Variants in CAMTA1 observed in about 807,000 individuals in gnomAD.
CAMTA1 encodes calmodulin-binding transcription activator 1.
CAMTA1 carries 27 observed loss-of-function variants against 170.9 expected under a neutral mutation model. The observed-to-expected ratio is 0.16, with a 90% CI of 0.12 to 0.22. CAMTA1 has a LOEUF of 0.22. CAMTA1 is among the 10% of genes least tolerant of loss of function. The pLI, the probability that CAMTA1 is intolerant of heterozygous loss-of-function variation, is 1.00. For missense variants in CAMTA1, 1,619 were observed against 2,217.2 expected (o/e 0.73, Z 5.42); for synonymous variants, 833 against 891.5 (o/e 0.93, Z 1.17).
In CAMTA1 at chr1:7,738,769, T is replaced by C. The variant is rs1291383465; in HGVS notation, c.4182+287T>C. ...ACTGAGGACCCTACAGTACGTCATC[T>C]GCTTCCTCCTTGCATTTAGGTTGAT... On this transcript the variant is annotated intron_variant, in intron 16 of 22. Transcript: ENST00000303635. The surrounding 1 kb of genome is among the most constrained non-coding windows in gnomAD (Gnocchi z 4.9). Among the ~76,000 whole-genome samples, 1 of 152,202 alleles carries C rather than the reference T, an allele frequency of 6.6e-6. No individual in the cohort carries two copies. Among genetic ancestry groups the C allele is most frequent in the Non-Finnish European group, 1.5e-5 (1 of 68,040 alleles).
chr1:7,536,988 C>T (rs1435453398), intron 6 of CAMTA1, among the ~76,000 whole-genome samples: 2 of 152,166 alleles, frequency 1.3e-5, no homozygotes, highest in African/African-American at 4.8e-5. Context: ...CTCCAGAGAG[C>T]GTCCTGGACC....
At chr1:6,882,338 A>G (rs1258671958) in intron 3 of CAMTA1, among the ~76,000 whole-genome samples, 1 of 152,202 alleles carries the variant, frequency 6.6e-6, no homozygotes, top group Non-Finnish European at 1.5e-5. Flanking sequence ...TTTACAGAAA[A>G]GAGTTGTTGA....
In CAMTA1 at chr1:7,665,049, C is replaced by T; in HGVS notation, c.2502C>T (p.Ser834=). 6.3e-7 allele frequency: 1 copy of T among 1,578,878 alleles called. No individual in the cohort carries two copies. The highest frequency in any genetic ancestry group is 8.6e-7 in the Non-Finnish European group (1 of 1,161,516). Residue 834 remains serine, a synonymous_variant, in exon 9 of 23, where the codon AGC becomes AGT. Coordinates refer to ENST00000303635, the MANE Select transcript of CAMTA1 (RefSeq NM_015215.4). This position sits in a 1 kb window ranked among gnomAD's most constrained non-coding sequence, Gnocchi z 4.3. ...CCCAGCAGGGTAGCCTGCAGCTGAG[C>T]AGCTCGGAGGGCGGGGCCAGCACCA... ...CSPQQGSLQL[S]SSEGGASTMA...
At chr1:7,342,980 C>T (rs1431561277) in intron 5 of CAMTA1, among the ~76,000 whole-genome samples, 1 of 152,224 alleles carries the variant, frequency 6.6e-6, no homozygotes, top group East Asian at 1.9e-4. Flanking sequence ...TCAGTGGGCA[C>T]CAGTCCTACA....
intron 6 of CAMTA1, among the ~76,000 whole-genome samples, chr1:7,514,230 GA>G (rs932955331): frequency 7.9e-5 from 12 of 152,208 alleles, no homozygotes; most frequent in Admixed American, 2.6e-4. Flanking sequence ...GCACAAGGAG[GA>G]AAGAGGAGGA....
chr1:7,238,926 G>A (rs962081220), intron 4 of CAMTA1, among the ~76,000 whole-genome samples: 7 of 152,192 alleles, frequency 4.6e-5, no homozygotes, highest in African/African-American at 1.7e-4. Flanking sequence ...TCGTGGCCGA[G>A]CATTCACGTG....
At chr1:7,659,716 C>T (rs55638692) in intron 7 of CAMTA1, among the ~76,000 whole-genome samples, 39,114 of 151,952 alleles carry the variant, frequency 0.26, 5,148 homozygotes, top group Middle Eastern at 0.36. Context: ...CCCATAGCAT[C>T]GGCCAGGCCC....
chr1:6,881,940 C>G (rs377645228), intron 3 of CAMTA1, among the ~76,000 whole-genome samples: 2 of 152,008 alleles, frequency 1.3e-5, no homozygotes, highest in African/African-American at 4.8e-5. Flanking sequence ...GCACTCCAGC[C>G]TGGGAGACAG....
intron 11 of CAMTA1, among the ~76,000 whole-genome samples, chr1:7,729,943 C>A (rs1421671486): frequency 1.3e-5 from 2 of 152,176 alleles, no homozygotes; most frequent in South Asian, 4.1e-4. Context: ...TCCAGATTAT[C>A]CCTTTGCATG....
chr1:7,055,653 TC>T (rs1707210733), intron 3 of CAMTA1, among the ~76,000 whole-genome samples: 1 of 152,216 alleles, frequency 6.6e-6, no homozygotes. Context: ...CACCTGAGTG[TC>T]CTGTGATACC....
At chr1:6,909,698 G>T (rs1005576692) in intron 3 of CAMTA1, among the ~76,000 whole-genome samples, 1 of 152,252 alleles carries the variant, frequency 6.6e-6, no homozygotes, top group Non-Finnish European at 1.5e-5. Context: ...ACCCACAGGA[G>T]GTGGCCTGGG....
At chr1:7,746,494 T>G (rs931207043) in intron 18 of CAMTA1, among the ~76,000 whole-genome samples, 3 of 152,226 alleles carry the variant, frequency 2.0e-5, no homozygotes, top group African/African-American at 7.2e-5. Context: ...ACAAAGTTCC[T>G]AAAGCACCTT....
At chr1:6,810,666 G>A (rs1440379953) in intron 1 of CAMTA1, among the ~76,000 whole-genome samples, 3 of 152,142 alleles carry the variant, frequency 2.0e-5, no homozygotes, top group African/African-American at 4.8e-5. Context: ...TTAGCCGGGC[G>A]TGGTGGCGGA....
At chr1:7,672,002 C>A in intron 10 of CAMTA1, 1 of 456,216 alleles carries the variant, frequency 2.2e-6, no homozygotes, top group Non-Finnish European at 4.4e-6. Flanking sequence ...ATGTCTTCTG[C>A]TCCTGGGCTG....
At chr1:7,027,349 A>G (rs964724191) in intron 3 of CAMTA1, among the ~76,000 whole-genome samples, 13 of 152,218 alleles carry the variant, frequency 8.5e-5, no homozygotes, top group African/African-American at 2.7e-4. Flanking sequence ...AATATCTGCA[A>G]TTAAGGTCGA....
At chr1:7,422,113 T>A (rs11120918) in intron 5 of CAMTA1, among the ~76,000 whole-genome samples, 5,935 of 151,554 alleles carry the variant, frequency 0.039, 371 homozygotes, top group African/African-American at 0.13. Context: ...GGCAGGAGGG[T>A]CTGAAGGGGC....
intron 22 of CAMTA1, among the ~76,000 whole-genome samples, chr1:7,764,152 T>C (rs1014404135): frequency 6.6e-6 from 1 of 152,148 alleles, no homozygotes; most frequent in African/African-American, 2.4e-5. Context: ...ATTAGGGACC[T>C]ATAGTGATGT....
At position 7,674,550 on chromosome 1, in the gene CAMTA1, G is replaced by A. The variant is rs1435569111; in HGVS notation, c.2780-3049G>A. ...TCCTAGCATGTTGGGAGGCCGAGGC[G>A]GGCGGATCACTTGAAGTCAGGAGTT... On this transcript the variant is annotated intron_variant, in intron 10 of 22. Coordinates refer to ENST00000303635, the MANE Select transcript of CAMTA1 (RefSeq NM_015215.4). The surrounding 1 kb of genome is among the most constrained non-coding windows in gnomAD (Gnocchi z 4.1). 1.3e-5 allele frequency among the ~76,000 whole-genome samples: 2 copies of A among 152,140 alleles called. No individual in the cohort carries two copies. Among genetic ancestry groups the A allele is most frequent in the African/African-American group, 2.4e-5 (1 of 41,424 alleles).
In CAMTA1 at chr1:6,866,639, G is replaced by T. The variant is rs563756139; in HGVS notation, c.234+41429G>T. ...GTGCAATGCAGCAGGCCAATCGGAA[G>T]AAAAAAATTTAAGCATATTTTGTGG... is the stretch of plus-strand genomic sequence containing the variant. On this transcript the variant is annotated intron_variant, in intron 3 of 22. Transcript: ENST00000303635. 3.3e-5 allele frequency among the ~76,000 whole-genome samples: 5 copies of T among 152,192 alleles called. No homozygotes were observed. In the South Asian group the frequency reaches 1.0e-3, roughly 32 times the overall value.
Sources: allele counts gnomAD v4.1 joint callset (sites outside exome capture counted in the v4.1 genomes callset), GRCh38; gene constraint gnomAD v4.1.1; non-coding constraint Gnocchi (gnomAD v3.1); transcripts MANE v1.5; gene names NCBI Gene and HGNC (gene_info 2026-07-23, HGNC 2026-07-21).